ZNF407: variants seen among roughly 807,000 people sequenced by gnomAD.
The protein encoded by ZNF407 is zinc finger protein 407.
A neutral mutation model predicts 131.2 loss-of-function variants in ZNF407; 17 were observed. That is an observed-to-expected ratio of 0.13 (90% CI 0.09 to 0.19). The LOEUF (loss-of-function observed/expected upper bound fraction) is 0.19, where lower values mean the gene tolerates loss of function less well. ZNF407 is among the 10% of genes least tolerant of loss of function. The pLI is 1.00. For missense variants in ZNF407, 2,681 were observed against 2,830.6 expected (o/e 0.95, Z 1.20); for synonymous variants, 1,156 against 1,062.0 (o/e 1.09, Z -1.72).
chr18:74,768,012 G>T (rs1013482902), intron 3 of ZNF407, among the ~76,000 whole-genome samples: 1 of 151,632 alleles, frequency 6.6e-6, no homozygotes, highest in Non-Finnish European at 1.5e-5. Flanking sequence ...TATTTTCTCT[G>T]CATATATATA....
chr18:74,986,528 G>A (rs1972654420), intron 8 of ZNF407, among the ~76,000 whole-genome samples: 1 of 152,128 alleles, frequency 6.6e-6, no homozygotes, highest in African/African-American at 2.4e-5. Context: ...TTCAGCCATT[G>A]AATAGTAGCC....
intron 4 of ZNF407, among the ~76,000 whole-genome samples, chr18:74,813,984 C>G (rs931257217): frequency 1.3e-5 from 2 of 152,018 alleles, no homozygotes; most frequent in African/African-American, 2.4e-5. Flanking sequence ...AGTGGATGTC[C>G]CATTATCTGC....
intron 5 of ZNF407, among the ~76,000 whole-genome samples, chr18:74,880,169 A>G (rs1263369009): frequency 6.6e-6 from 1 of 152,170 alleles, no homozygotes; most frequent in Non-Finnish European, 1.5e-5. Flanking sequence ...GTCTTATGGG[A>G]TGATCTGCCT....
At chr18:74,693,800 G>T (rs1272052014) in intron 3 of ZNF407, among the ~76,000 whole-genome samples, 1 of 152,086 alleles carries the variant, frequency 6.6e-6, no homozygotes. Context: ...TATTTCTTCA[G>T]ATTTTTTTCT....
intron 3 of ZNF407, among the ~76,000 whole-genome samples, chr18:74,683,955 T>C (rs1967041194): frequency 2.0e-5 from 3 of 152,254 alleles, no homozygotes; most frequent in Admixed American, 2.0e-4. Context: ...ATTTGAAATT[T>C]ATTTAATTTA....
At chr18:74,917,893 A>G (rs1456220012) in intron 7 of ZNF407, among the ~76,000 whole-genome samples, 1 of 152,204 alleles carries the variant, frequency 6.6e-6, no homozygotes, top group East Asian at 1.9e-4. Context: ...AAACAGTACT[A>G]ATTAAGTACA....
At chr18:74,804,742 G>A (rs1361388787) in intron 4 of ZNF407, 4 of 502,434 alleles carry the variant, frequency 8.0e-6, no homozygotes, top group Middle Eastern at 1.0e-3. Flanking sequence ...AAGGTTAGCC[G>A]AGTTGTTTCC....
chr18:75,057,501 G>A (rs1973574530), intron 8 of ZNF407, among the ~76,000 whole-genome samples: 1 of 152,096 alleles, frequency 6.6e-6, no homozygotes, highest in South Asian at 2.1e-4. Context: ...CCAAGCTGAG[G>A]CTTCCACAAA....
At chr18:74,987,415 C>T (rs916542358) in intron 8 of ZNF407, among the ~76,000 whole-genome samples, 5 of 152,244 alleles carry the variant, frequency 3.3e-5, no homozygotes, top group Non-Finnish European at 7.4e-5. Flanking sequence ...ACGCGAGGAA[C>T]GGTGAGCTCA....
rs762713290 is a variant in ZNF407, at chr18:74,633,113, G to A, written c.2094G>A (p.Arg698=). The A allele has an allele frequency of 3.3e-5, 53 of 1,613,488 alleles. No homozygotes were observed. The South Asian group carries it at 5.3e-4, about 16-fold the overall frequency. ...GGGTAAGCCATGGTAATGAAGTGAG[G>A]CATTCCAGTAAGCCTCAGTTTCAGT... is the stretch of plus-strand genomic sequence containing the variant. The part of the protein sequence containing the change: ...KSRVSHGNEV[R]HSSKPQFQCK... The change falls in exon 2 of 9, where the codon AGG becomes AGA. Residue 698 remains arginine, a synonymous_variant. Coordinates refer to ENST00000299687, the MANE Select transcript of ZNF407 (RefSeq NM_017757.3).
At chr18:74,934,895 T>C (rs1435377147) in intron 8 of ZNF407, among the ~76,000 whole-genome samples, 1 of 152,228 alleles carries the variant, frequency 6.6e-6, no homozygotes, top group Admixed American at 6.5e-5. Flanking sequence ...AAATAGTGCC[T>C]GCCACTTATT....
intron 3 of ZNF407, among the ~76,000 whole-genome samples, chr18:74,716,604 C>T (rs1388169921): frequency 6.6e-6 from 1 of 152,086 alleles, no homozygotes; most frequent in African/African-American, 2.4e-5. Flanking sequence ...GTAAAAATAA[C>T]TTTTGGACCC....
chr18:75,061,961 T>C (rs1973639665), intron 8 of ZNF407: 1 of 152,348 alleles, frequency 6.6e-6, no homozygotes, highest in South Asian at 2.1e-4. Context: ...GTCCTGTAGT[T>C]TTCCTGCTAA....
At chr18:74,950,204 G>A (rs1032922993) in intron 8 of ZNF407, among the ~76,000 whole-genome samples, 8 of 152,200 alleles carry the variant, frequency 5.3e-5, no homozygotes, top group African/African-American at 1.9e-4. Flanking sequence ...TCCAGCTCAC[G>A]TCTTCCAAAG....
intron 3 of ZNF407, among the ~76,000 whole-genome samples, chr18:74,749,534 C>G (rs1449321313): frequency 6.6e-6 from 1 of 152,080 alleles, no homozygotes; most frequent in Non-Finnish European, 1.5e-5. Context: ...AGAATCCATA[C>G]TGTCTTTGTT....
At chr18:75,042,125 T>G (rs575159834) in intron 8 of ZNF407, among the ~76,000 whole-genome samples, 4 of 151,798 alleles carry the variant, frequency 2.6e-5, no homozygotes, top group African/African-American at 9.7e-5. Flanking sequence ...AATCTGGAAC[T>G]CCTGGGCTCC....
chr18:74,923,318 T>TA (rs911298465), intron 8 of ZNF407, among the ~76,000 whole-genome samples: 2 of 151,760 alleles, frequency 1.3e-5, no homozygotes, highest in Admixed American at 1.3e-4. Flanking sequence ...TTTTTTTTTT[T>TA]AAACTATTGA....
chr18:74,796,566 C>T (rs1969923854), intron 4 of ZNF407, among the ~76,000 whole-genome samples: 1 of 152,192 alleles, frequency 6.6e-6, no homozygotes, highest in South Asian at 2.1e-4. Flanking sequence ...GCATTGTCAT[C>T]TTTTCTCCTA....
At chr18:74,861,705 G>A (rs1970939732) in intron 4 of ZNF407, among the ~76,000 whole-genome samples, 1 of 151,938 alleles carries the variant, frequency 6.6e-6, no homozygotes, top group Non-Finnish European at 1.5e-5. Flanking sequence ...GAATTCTTAG[G>A]ATGTTTGTAC....
Sources: gnomAD v4.1 joint callset for allele counts (sites outside exome capture counted in the v4.1 genomes callset) on GRCh38, gnomAD v4.1.1 for gene constraint, MANE v1.5 for transcripts, NCBI Gene and HGNC (gene_info 2026-07-23, HGNC 2026-07-21) for gene names.